DLGAP4: variants seen among roughly 807,000 people sequenced by gnomAD.
DLGAP4 encodes disks large-associated protein 4.
Under a neutral mutation model 86.9 loss-of-function variants are expected in DLGAP4, and 18 were observed. The ratio of observed to expected loss-of-function variants is 0.21; its 90% CI spans 0.14 to 0.31. The LOEUF (loss-of-function observed/expected upper bound fraction) is 0.31. Among genes scored for constraint, DLGAP4 ranks in the 10% least tolerant of loss-of-function variants. The pLI, the probability that DLGAP4 is intolerant of heterozygous loss-of-function variation, is 1.00. For missense variants in DLGAP4, 1,085 were observed against 1,362.6 expected (o/e 0.80, Z 3.21); for synonymous variants, 548 against 574.3 (o/e 0.95, Z 0.65).
At chr20:36,463,910 C>T (rs950778286) in intron 7 of DLGAP4, among the ~76,000 whole-genome samples, 4 of 152,282 alleles carry the variant, frequency 2.6e-5, no homozygotes, top group African/African-American at 7.2e-5. Context: ...AGAGATGAGG[C>T]CCAGAAGGGC....
rs377350689 is a variant in DLGAP4 at position 36,438,684 on chromosome 20, G to A, written c.1242-1070G>A. Among the ~76,000 whole-genome samples the A allele has an allele frequency of 2.0e-4, 30 of 146,766 alleles. No individual in the cohort carries two copies. The Middle Eastern group carries it at 0.011, about 54-fold the overall frequency. On this transcript the variant is annotated intron_variant, in intron 4 of 12. Transcript: ENST00000339266. ...TGGGATTATAGGTGTGAGCCACCAC[G>A]CCTGGTCAGTTTCCCCATCTTTTTT... is the stretch of plus-strand genomic sequence containing the variant.
chr20:36,471,425 C>T (rs1446181370), intron 7 of DLGAP4, among the ~76,000 whole-genome samples: 1 of 152,084 alleles, frequency 6.6e-6, no homozygotes, highest in Non-Finnish European at 1.5e-5. Context: ...ACCTGGGAGG[C>T]GGAGGTTGCA....
chr20:36,381,096 C>T (rs915549797), intron 2 of DLGAP4, among the ~76,000 whole-genome samples: 4 of 152,238 alleles, frequency 2.6e-5, no homozygotes, highest in Non-Finnish European at 4.4e-5. Context: ...ATTTAATGTA[C>T]ATAAAATAAT....
At chr20:36,318,112 A>T (rs1281665435) in intron 1 of DLGAP4, among the ~76,000 whole-genome samples, 629 of 13,798 alleles carry the variant, frequency 0.046, 3 homozygotes, top group South Asian at 0.062. Context: ...CCTCTCACAC[A>T]CACACACACA....
intron 2 of DLGAP4, among the ~76,000 whole-genome samples, chr20:36,394,994 C>A (rs1035679202): frequency 6.6e-6 from 1 of 152,070 alleles, no homozygotes; most frequent in Non-Finnish European, 1.5e-5. Context: ...CCTAGAGCTG[C>A]CCCCTCCTCT....
At chr20:36,369,580 C>A (rs749648188) in intron 2 of DLGAP4, among the ~76,000 whole-genome samples, 1 of 151,938 alleles carries the variant, frequency 6.6e-6, no homozygotes, top group Non-Finnish European at 1.5e-5. Context: ...GACTCTGTCT[C>A]AAAAAATAAT....
intron 2 of DLGAP4, among the ~76,000 whole-genome samples, chr20:36,384,222 A>G (rs2031513869): frequency 6.6e-6 from 1 of 152,062 alleles, no homozygotes; most frequent in African/African-American, 2.4e-5. Context: ...TGCTGAAGAT[A>G]GAGAGGGTAG....
intron 1 of DLGAP4, among the ~76,000 whole-genome samples, chr20:36,325,203 C>G (rs1307213738): frequency 5.9e-5 from 9 of 152,068 alleles, no homozygotes; most frequent in African/African-American, 2.2e-4. Context: ...CCTTTTGCTT[C>G]CCTCTTTGAC....
intron 12 of DLGAP4, 59 bp downstream of exon 12, chr20:36,526,065 G>T: frequency 6.2e-7 from 1 of 1,611,234 alleles, no homozygotes. Flanking sequence ...CGGCAATAAC[G>T]CTGCCCACAT....
At chr20:36,465,238 T>C (rs2034296233) in intron 7 of DLGAP4, 1 of 146,512 alleles carries the variant, frequency 6.8e-6, no homozygotes, top group South Asian at 2.3e-4. Context: ...CTAATAGTAA[T>C]AGGAGTGATC....
At chr20:36,375,390 G>C (rs1194389243) in intron 2 of DLGAP4, among the ~76,000 whole-genome samples, 2 of 152,084 alleles carry the variant, frequency 1.3e-5, no homozygotes, top group African/African-American at 2.4e-5. Flanking sequence ...GTGTTTTATG[G>C]GTCATCTCCA....
At chr20:36,390,480 C>A (rs899441345) in intron 2 of DLGAP4, among the ~76,000 whole-genome samples, 2 of 152,132 alleles carry the variant, frequency 1.3e-5, no homozygotes, top group Non-Finnish European at 2.9e-5. Context: ...CCTGCAGGGT[C>A]ATTAACCACC....
chr20:36,451,209 T>G (rs934972375), intron 7 of DLGAP4, among the ~76,000 whole-genome samples: 3 of 152,224 alleles, frequency 2.0e-5, no homozygotes, highest in African/African-American at 4.8e-5. Context: ...TAACTTCGAG[T>G]GCCAAAAGCC....
At chr20:36,520,148 T>C (rs774295972) in intron 10 of DLGAP4, among the ~76,000 whole-genome samples, 2 of 152,192 alleles carry the variant, frequency 1.3e-5, no homozygotes, top group African/African-American at 4.8e-5. Flanking sequence ...TGATGACTAA[T>C]GCTGTTGAGA....
chr20:36,454,483 C>T (rs1356140978), intron 7 of DLGAP4, among the ~76,000 whole-genome samples: 1 of 152,032 alleles, frequency 6.6e-6, no homozygotes. Flanking sequence ...CCATATATGG[C>T]GAGCCTGCCC....
At chr20:36,324,739 A>G (rs1412487262) in intron 1 of DLGAP4, among the ~76,000 whole-genome samples, 2 of 152,198 alleles carry the variant, frequency 1.3e-5, no homozygotes, top group African/African-American at 4.8e-5. Context: ...TAGCTTTGTA[A>G]TAAGTTTCGA....
chr20:36,380,673 G>C lies in DLGAP4; in HGVS notation c.-73+13398G>C, dbSNP rs558856778. Among the ~76,000 whole-genome samples the C allele has an allele frequency of 2.7e-5, 4 of 147,916 alleles. No individual in the cohort carries two copies. The South Asian group carries it at 6.6e-4, about 24-fold the overall frequency. ...AGAGAGAGAGAGAGAGAATCTCAGA[G>C]GCAGGCAGGCAAGCCAGGGCCAGTG... On this transcript the variant is annotated intron_variant, in intron 2 of 12. Transcript: ENST00000339266.
chr20:36,432,254 C>T lies in DLGAP4; in HGVS notation c.537C>T (p.Gly179=), dbSNP rs1051417736. 1.9e-6 allele frequency: 3 copies of T among 1,613,768 alleles called. No individual in the cohort carries two copies. Among genetic ancestry groups the T allele is most frequent in the Middle Eastern group, 1.6e-4 (1 of 6,062 alleles). Residue 179 remains glycine, a synonymous_variant, in exon 3 of 13, where the codon GGC becomes GGT. Transcript: ENST00000339266. This position sits in a 1 kb window ranked among gnomAD's most constrained non-coding sequence, Gnocchi z 6.5. ...AGGGTGGCATGGAGGACGGCAAGGG[C>T]CGGAGGGCCAAAAGCAAGGAGCGGG... is the stretch of plus-strand genomic sequence containing the variant. ...SKKGGMEDGK[G]RRAKSKERAK... is the part of the protein sequence containing the mutation.
At chr20:36,430,259 T>G (rs1469754572) in intron 2 of DLGAP4, among the ~76,000 whole-genome samples, 1 of 152,220 alleles carries the variant, frequency 6.6e-6, no homozygotes, top group Admixed American at 6.5e-5. Flanking sequence ...GACGTGCCCC[T>G]GTTATTGACT....
Sources: gnomAD v4.1 joint callset for allele counts (sites outside exome capture counted in the v4.1 genomes callset) on GRCh38, gnomAD v4.1.1 for gene constraint, Gnocchi (gnomAD v3.1) non-coding constraint, MANE v1.5 for transcripts, NCBI Gene and HGNC (gene_info 2026-07-23, HGNC 2026-07-21) for gene names.